The following NCMAP variants were observed in gnomAD, a reference collection of about 807,000 sequenced individuals.
The protein encoded by NCMAP is noncompact myelin-associated protein.
A neutral mutation model predicts 7.8 loss-of-function variants in NCMAP; 8 were observed. The observed-to-expected ratio is 1.02, with a 90% CI of 0.60 to 1.84. The LOEUF is 1.84. Ranked by LOEUF, NCMAP falls within the 40% of genes most tolerant of loss-of-function variation. The probability of loss-of-function intolerance (pLI) is 0.00; values close to 1 mark genes in which losing one functional copy is unlikely to be tolerated. For synonymous variants in NCMAP, 41 were observed against 52.9 expected, an observed-to-expected ratio of 0.78 and a Z score of 0.98; for missense variants, 112 against 131.4, an observed-to-expected ratio of 0.85 and a Z score of 0.72.
intron 3 of NCMAP, among the ~76,000 whole-genome samples, chr1:24,604,337 G>T (rs1193340281): frequency 6.6e-6 from 1 of 151,806 alleles, no homozygotes; most frequent in Non-Finnish European, 1.5e-5. Flanking sequence ...CACCCCAGGA[G>T]GCTGAGGCAG....
intron 1 of NCMAP, 145 bp downstream of exon 1, chr1:24,556,314 A>G (rs6702180): frequency 0.21 from 30,765 of 144,284 alleles, 3,260 homozygotes; most frequent in East Asian, 0.26. Flanking sequence ...CCCCAGTCTC[A>G]CCCCCACATC....
chr1:24,601,519 C>T (rs1318086387), intron 3 of NCMAP, among the ~76,000 whole-genome samples: 1 of 152,106 alleles, frequency 6.6e-6, no homozygotes, highest in Non-Finnish European at 1.5e-5. Context: ...TCAGTCACAA[C>T]CTTGATGGAA....
Position 24,576,900 on chromosome 1 carries a change from G to A in NCMAP, c.-7-18524G>A, listed in dbSNP as rs1651578241. Among the ~76,000 whole-genome samples the A allele has an allele frequency of 6.6e-6, 1 of 152,120 alleles. No homozygotes were observed. Among genetic ancestry groups the A allele is most frequent in the African/African-American group, 2.4e-5 (1 of 41,436 alleles). On this transcript the variant is annotated intron_variant, in intron 1 of 3. Transcript: ENST00000374392. The surrounding 1 kb of genome is among the most constrained non-coding windows in gnomAD (Gnocchi z 4.0). Reference sequence around the variant, plus strand: ...CCCAGCACTTTGGGAGGCTGAGGCAGGTGGATCACCTGAGGTCAGGAGTTC... The same window carrying A: ...CCCAGCACTTTGGGAGGCTGAGGCAAGTGGATCACCTGAGGTCAGGAGTTC...
chr1:24,585,718 C>T (rs1570529357), intron 1 of NCMAP, among the ~76,000 whole-genome samples: 1 of 152,176 alleles, frequency 6.6e-6, no homozygotes, highest in East Asian at 1.9e-4. Flanking sequence ...TTCCCCTGCC[C>T]AGCCACAGCC....
chr1:24,572,474 A>C (rs1651418147), intron 1 of NCMAP, among the ~76,000 whole-genome samples: 1 of 150,610 alleles, frequency 6.6e-6, no homozygotes, highest in South Asian at 2.1e-4. Flanking sequence ...TGTGGGTAAC[A>C]GATATGGTTC....
At chr1:24,558,502 T>C (rs1650967649) in intron 1 of NCMAP, among the ~76,000 whole-genome samples, 1 of 152,190 alleles carries the variant, frequency 6.6e-6, no homozygotes, top group Non-Finnish European at 1.5e-5. Flanking sequence ...ACCTCCACCC[T>C]TTCTCCTGCC....
At chr1:24,563,755 T>C (rs901934553) in intron 1 of NCMAP, 19 of 152,332 alleles carry the variant, frequency 1.2e-4, no homozygotes, top group African/African-American at 2.4e-4. Flanking sequence ...AAGGACACTA[T>C]AGAGGTCAGC....
intron 1 of NCMAP, among the ~76,000 whole-genome samples, chr1:24,579,871 G>C (rs1432581028): frequency 6.6e-6 from 1 of 152,228 alleles, no homozygotes; most frequent in East Asian, 1.9e-4. Context: ...ATCAGTATCT[G>C]TAGGTCTATT....
In NCMAP at chr1:24,605,810, G is replaced by C; in HGVS notation, c.*63G>C. 1 of 1,575,200 alleles carries C rather than the reference G, an allele frequency of 6.3e-7. No individual in the cohort carries two copies. Among genetic ancestry groups the C allele is most frequent in the Non-Finnish European group, 8.7e-7 (1 of 1,149,006 alleles). Reference sequence around the variant, plus strand: ...GCCTCTCCAGAGTCAAGACCCAGAGGCACACTCTCTGGCAGCTTCACAATG... The same window carrying C: ...GCCTCTCCAGAGTCAAGACCCAGAGCCACACTCTCTGGCAGCTTCACAATG... On this transcript the variant is annotated 3_prime_UTR_variant, in exon 4 of 4. Coordinates refer to ENST00000374392, the MANE Select transcript of NCMAP (RefSeq NM_001010980.5).
At chr1:24,587,935 T>A (rs1355636690) in intron 1 of NCMAP, among the ~76,000 whole-genome samples, 1 of 151,634 alleles carries the variant, frequency 6.6e-6, no homozygotes, top group African/African-American at 2.4e-5. Context: ...GTCAATTTTC[T>A]TTTTCTTTTA....
chr1:24,605,256 C>T (rs1373819243), intron 3 of NCMAP, among the ~76,000 whole-genome samples: 1 of 152,046 alleles, frequency 6.6e-6, no homozygotes, highest in Non-Finnish European at 1.5e-5. Flanking sequence ...TAGCAATAAA[C>T]TTAGCAAGCA....
At chr1:24,580,486 C>T (rs916595332) in intron 1 of NCMAP, among the ~76,000 whole-genome samples, 1 of 152,104 alleles carries the variant, frequency 6.6e-6, no homozygotes, top group Admixed American at 6.6e-5. Flanking sequence ...GAGTCTTGCT[C>T]TGTCACCAAG....
At chr1:24,563,586 CAAG>C (rs1651125470) in intron 1 of NCMAP, 1 of 149,686 alleles carries the variant, frequency 6.7e-6, no homozygotes, top group African/African-American at 2.5e-5. Context: ...TTCTGAAAGT[CAAG>C]AAATCTTTGT....
chr1:24,578,672 C>T (rs1228140010), intron 1 of NCMAP, among the ~76,000 whole-genome samples: 1 of 150,756 alleles, frequency 6.6e-6, no homozygotes, highest in Non-Finnish European at 1.5e-5. Flanking sequence ...AAGTGATCCT[C>T]CCACATCAGC....
At chr1:24,603,050 CAAAAT>C (rs959153101) in intron 3 of NCMAP, among the ~76,000 whole-genome samples, 10 of 151,666 alleles carry the variant, frequency 6.6e-5, no homozygotes, top group Non-Finnish European at 1.5e-4. Flanking sequence ...AAAAAATAAA[CAAAAT>C]AAAATAAAAT....
Position 24,606,306 on chromosome 1 carries a change from C to A in NCMAP, c.*559C>A, listed in dbSNP as rs764126382. 3 of 152,434 alleles carry A rather than the reference C, an allele frequency of 2.0e-5. No homozygotes were observed. The highest frequency in any genetic ancestry group is 4.4e-5 in the Non-Finnish European group (3 of 68,216). 9.4% of individuals were successfully genotyped at this position (152,434 alleles called of 1,614,324 possible). A position where few individuals can be genotyped will look rare whatever the true frequency, so the allele number is the denominator to read the frequency against. ...TGACAATTGCTCAGCACATTTTCCC[C>A]TCTTGAAGAAAGGTTGCAAGAAGAA... On this transcript the variant is annotated 3_prime_UTR_variant, in exon 4 of 4. Transcript: ENST00000374392.
intron 1 of NCMAP, among the ~76,000 whole-genome samples, chr1:24,574,819 G>A (rs142057092): frequency 0.1 from 14,479 of 143,226 alleles, 841 homozygotes; most frequent in East Asian, 0.18. Context: ...TTTTTGAGAC[G>A]GAGTCTCACA....
chr1:24,586,016 G>A (rs1651869821), intron 1 of NCMAP, among the ~76,000 whole-genome samples: 1 of 152,234 alleles, frequency 6.6e-6, no homozygotes, highest in African/African-American at 2.4e-5. Context: ...GAGCCAGGGA[G>A]AAGCGAAGAA....
rs763552618 is a variant in NCMAP, at chr1:24,580,495, A to G, written c.-7-14929A>G. Among the ~76,000 whole-genome samples, 4 of 152,174 alleles carry G rather than the reference A, an allele frequency of 2.6e-5. No homozygotes were observed. In the East Asian group the frequency reaches 5.8e-4, roughly 22 times the overall value. On this transcript the variant is annotated intron_variant, in intron 1 of 3. Coordinates refer to ENST00000374392, the MANE Select transcript of NCMAP (RefSeq NM_001010980.5). The stretch of plus-strand genomic sequence containing the variant: ...GGGATGGAGTCTTGCTCTGTCACCA[A>G]GCTGGAGTGCAGTGGTGCGATCTCA...
Sources: gnomAD v4.1 joint callset for allele counts (sites outside exome capture counted in the v4.1 genomes callset) on GRCh38, gnomAD v4.1.1 for gene constraint, Gnocchi (gnomAD v3.1) non-coding constraint, MANE v1.5 for transcripts, NCBI Gene and HGNC (gene_info 2026-07-23, HGNC 2026-07-21) for gene names.